Variants in MCOLN2 observed in about 807,000 individuals in gnomAD.
The protein encoded by MCOLN2 is mucolipin-2.
Under a neutral mutation model 67.5 loss-of-function variants are expected in MCOLN2, and 57 were observed. The observed-to-expected ratio is 0.84, with a 90% confidence interval of 0.68 to 1.05. The LOEUF is 1.05. Among genes scored for constraint, MCOLN2 ranks in the 50% least tolerant of loss-of-function variants. The probability of loss-of-function intolerance (pLI) is 0.00; values close to 1 mark genes in which losing one functional copy is unlikely to be tolerated. For missense variants in MCOLN2, 620 were observed against 678.8 expected (o/e 0.91, Z 0.96); for synonymous variants, 246 against 233.3 (o/e 1.05, Z -0.50).
At chr1:84,992,668 C>T (rs367673371) in intron 1 of MCOLN2, among the ~76,000 whole-genome samples, 2 of 152,320 alleles carry the variant, frequency 1.3e-5, no homozygotes, top group East Asian at 3.9e-4. Context: ...AAGCAAGTCA[C>T]ACAAATTTTT....
chr1:84,931,253 C>G, intron 12 of MCOLN2, 109 bp downstream of exon 12: 2 of 758,650 alleles, frequency 2.6e-6, no homozygotes, highest in South Asian at 3.6e-5. Flanking sequence ...GTCCACAAAA[C>G]CTCAAAATCT....
intron 1 of MCOLN2, among the ~76,000 whole-genome samples, chr1:84,987,423 C>G (rs1462897572): frequency 9.6e-6 from 1 of 103,900 alleles, no homozygotes; most frequent in Non-Finnish European, 1.8e-5. Context: ...TATGTATATA[C>G]CTATATACGT....
chr1:84,936,612 T>C (rs555625720), intron 11 of MCOLN2, among the ~76,000 whole-genome samples: 163 of 152,326 alleles, frequency 1.1e-3, no homozygotes, highest in Non-Finnish European at 2.0e-3. Context: ...CCAGAGGTTG[T>C]CACTTTGTTA....
intron 1 of MCOLN2, among the ~76,000 whole-genome samples, chr1:84,988,918 T>C (rs75157301): frequency 0.013 from 1,982 of 152,220 alleles, 46 homozygotes; most frequent in African/African-American, 0.046. Context: ...CTACTGCTGT[T>C]CCCCCAGCTC....
intron 1 of MCOLN2, among the ~76,000 whole-genome samples, chr1:84,981,630 A>G (rs1353917474): frequency 1.3e-5 from 2 of 152,168 alleles, no homozygotes; most frequent in African/African-American, 4.8e-5. Context: ...GGACAGAGAG[A>G]GTAGAAGGAT....
chr1:84,944,739 A>G (rs1162961042), intron 7 of MCOLN2, among the ~76,000 whole-genome samples: 1 of 152,190 alleles, frequency 6.6e-6, no homozygotes, highest in East Asian at 1.9e-4. Flanking sequence ...GTGAAAATGG[A>G]CATTCACCTG....
intron 4 of MCOLN2, among the ~76,000 whole-genome samples, chr1:84,953,550 CAAAA>C (rs138750958): frequency 0.085 from 10,078 of 118,368 alleles, 1,213 homozygotes; most frequent in African/African-American, 0.28. Context: ...AACTCTATCT[CAAAA>C]AAAAAAAAAA....
chr1:84,928,284 T>C (rs1301667594), intron 13 of MCOLN2, among the ~76,000 whole-genome samples: 4 of 152,194 alleles, frequency 2.6e-5, no homozygotes, highest in African/African-American at 7.2e-5. Flanking sequence ...AGACCCTCCG[T>C]CTCACCATGC....
intron 1 of MCOLN2, among the ~76,000 whole-genome samples, chr1:84,979,892 T>C (rs2102876929): frequency 6.6e-6 from 1 of 152,288 alleles, no homozygotes; most frequent in Non-Finnish European, 1.5e-5. Context: ...ATTATCCTTG[T>C]TTGTAGATGA....
intron 1 of MCOLN2, among the ~76,000 whole-genome samples, chr1:84,985,652 C>G (rs1248105278): frequency 6.6e-6 from 1 of 152,112 alleles, no homozygotes; most frequent in Non-Finnish European, 1.5e-5. Flanking sequence ...GCTGACCAAG[C>G]TGAGAATCAA....
intron 3 of MCOLN2, among the ~76,000 whole-genome samples, chr1:84,957,348 T>G (rs1038089644): frequency 2.6e-5 from 4 of 152,210 alleles, no homozygotes; most frequent in Non-Finnish European, 5.9e-5. Flanking sequence ...GCTTTACTGT[T>G]GGCTATCTGC....
intron 7 of MCOLN2, among the ~76,000 whole-genome samples, chr1:84,942,261 C>T (rs1389877938): frequency 6.6e-6 from 1 of 152,210 alleles, no homozygotes; most frequent in Non-Finnish European, 1.5e-5. Flanking sequence ...GCACAACAGA[C>T]ACTGACCTTT....
chr1:84,950,171 GAATTAT>G (rs1648348381), intron 6 of MCOLN2, among the ~76,000 whole-genome samples: 1 of 152,098 alleles, frequency 6.6e-6, no homozygotes, highest in Non-Finnish European at 1.5e-5. Flanking sequence ...GCAACAAAGA[GAATTAT>G]GCCAATGAAA....
At chr1:84,936,145 C>T (rs138241363) in intron 11 of MCOLN2, among the ~76,000 whole-genome samples, 1 of 152,228 alleles carries the variant, frequency 6.6e-6, no homozygotes, top group Non-Finnish European at 1.5e-5. Context: ...GATTTCTTCA[C>T]AGAGAAGGGG....
chr1:84,987,519 T>C lies in MCOLN2; in HGVS notation c.77+9277A>G, dbSNP rs1366110840. Among the ~76,000 whole-genome samples, 47 of 65,846 alleles carry C rather than the reference T, an allele frequency of 7.1e-4. 2 individuals are homozygous for C. The highest frequency in any genetic ancestry group is 2.0e-3 in the African/African-American group (45 of 22,978). 43.2% of individuals were successfully genotyped at this position (65,846 alleles called of 152,430 possible). A position where few individuals can be genotyped will look rare whatever the true frequency, so the allele number is the denominator to read the frequency against. On this transcript the variant is annotated intron_variant, in intron 1 of 13. Coordinates refer to ENST00000370608, the MANE Select transcript of MCOLN2 (RefSeq NM_153259.4). ...GTATACATAGATGTATACATATGTA[T>C]ATATGTATACATCTATGTATACATA... is the stretch of plus-strand genomic sequence containing the variant.
At chr1:84,939,424 A>G (rs1020125583) in intron 9 of MCOLN2, 129 bp downstream of exon 9, 2 of 921,160 alleles carry the variant, frequency 2.2e-6, no homozygotes, top group African/African-American at 1.7e-5. Context: ...GGGAGGCCTC[A>G]CTTGTGCTGG....
intron 9 of MCOLN2, among the ~76,000 whole-genome samples, chr1:84,938,339 G>A (rs1243477218): frequency 6.6e-6 from 1 of 151,890 alleles, no homozygotes; most frequent in African/African-American, 2.4e-5. Flanking sequence ...ATTGTATTTA[G>A]GTTGAACTAA....
intron 3 of MCOLN2, among the ~76,000 whole-genome samples, chr1:84,956,811 TC>T (rs1648820772): frequency 3.9e-5 from 6 of 152,164 alleles, no homozygotes; most frequent in African/African-American, 1.4e-4. Flanking sequence ...CCCACCTCAC[TC>T]AGCCAAAGCC....
intron 1 of MCOLN2, among the ~76,000 whole-genome samples, chr1:84,974,231 A>G (rs948394896): frequency 6.6e-6 from 1 of 151,974 alleles, no homozygotes; most frequent in Non-Finnish European, 1.5e-5. Context: ...AAGGACTGCA[A>G]CTCTAGGCGA....
Sources: gnomAD v4.1 joint callset for allele counts (sites outside exome capture counted in the v4.1 genomes callset) on GRCh38, gnomAD v4.1.1 for gene constraint, MANE v1.5 for transcripts, NCBI Gene and HGNC (gene_info 2026-07-23, HGNC 2026-07-21) for gene names.